The following MYO1D variants were observed in gnomAD, a reference collection of about 807,000 sequenced individuals.
The protein encoded by MYO1D is myosin ID, also known as unconventional myosin-Id.
Under a neutral mutation model 122.0 loss-of-function variants are expected in MYO1D, and 83 were observed. The ratio of observed to expected loss-of-function variants is 0.68; its 90% CI spans 0.57 to 0.82. The LOEUF is 0.82. Ranked by LOEUF, MYO1D falls within the 40% of genes least tolerant of loss-of-function variation. The probability of loss-of-function intolerance (pLI) is 0.00; values close to 1 mark genes in which losing one functional copy is unlikely to be tolerated. For synonymous variants in MYO1D, 464 were observed against 446.9 expected (o/e 1.04, Z -0.48); for missense variants, 1,157 against 1,269.5 (o/e 0.91, Z 1.35).
chr17:32,862,812 A>C (rs2091089089), intron 1 of MYO1D: 1 of 152,244 alleles, frequency 6.6e-6, no homozygotes, highest in African/African-American at 2.4e-5. Context: ...CATTACAGTG[A>C]TAGTCCATTT....
intron 21 of MYO1D, among the ~76,000 whole-genome samples, chr17:32,524,429 G>A (rs530229291): frequency 3.3e-5 from 5 of 152,190 alleles, no homozygotes; most frequent in African/African-American, 1.2e-4. Flanking sequence ...GTCACGCTCT[G>A]TCACCCAGGC....
intron 1 of MYO1D, among the ~76,000 whole-genome samples, chr17:32,808,972 T>C (rs988310530): frequency 2.0e-5 from 3 of 152,236 alleles, no homozygotes; most frequent in Admixed American, 2.0e-4. Flanking sequence ...CATACGTATA[T>C]ATGTAAACAT....
At chr17:32,658,945 G>C in intron 17 of MYO1D, 170 bp downstream of exon 17, 1 of 659,122 alleles carries the variant, frequency 1.5e-6, no homozygotes, top group South Asian at 2.0e-5. Flanking sequence ...ATTTTGAGGG[G>C]TAAGCAGATG....
intron 21 of MYO1D, among the ~76,000 whole-genome samples, chr17:32,511,511 C>T (rs1361136478): frequency 6.6e-6 from 1 of 151,232 alleles, no homozygotes; most frequent in Non-Finnish European, 1.5e-5. Context: ...CCAGCTCCCC[C>T]CGCGAACTTC....
chr17:32,861,903 C>T (rs575584621), intron 1 of MYO1D, among the ~76,000 whole-genome samples: 12 of 152,138 alleles, frequency 7.9e-5, no homozygotes, highest in East Asian at 3.9e-4. Flanking sequence ...CTGTAGTCCC[C>T]GCTACTCGGG....
chr17:32,847,038 G>A (rs2090944287), intron 1 of MYO1D, among the ~76,000 whole-genome samples: 1 of 152,062 alleles, frequency 6.6e-6, no homozygotes, highest in Non-Finnish European at 1.5e-5. Flanking sequence ...TTAGATGATA[G>A]CACAATTCTC....
At chr17:32,694,337 C>G (rs1027948883) in intron 16 of MYO1D, among the ~76,000 whole-genome samples, 1 of 152,148 alleles carries the variant, frequency 6.6e-6, no homozygotes, top group Non-Finnish European at 1.5e-5. Context: ...CAATGACCTA[C>G]TAATTGCCAG....
intron 1 of MYO1D, among the ~76,000 whole-genome samples, chr17:32,787,338 T>C (rs557195263): frequency 3.3e-5 from 5 of 152,246 alleles, no homozygotes; most frequent in African/African-American, 4.8e-5. Flanking sequence ...TTTGTTTACA[T>C]GGGTAAGTTC....
chr17:32,565,353 T>C (rs757502513), intron 21 of MYO1D, among the ~76,000 whole-genome samples: 3 of 152,210 alleles, frequency 2.0e-5, no homozygotes, highest in Admixed American at 6.5e-5. Flanking sequence ...GATAGGGTTC[T>C]TCCTTGTAGC....
At chr17:32,635,738 C>T (rs1355176360) in intron 20 of MYO1D, among the ~76,000 whole-genome samples, 5 of 152,026 alleles carry the variant, frequency 3.3e-5, no homozygotes, top group Non-Finnish European at 7.4e-5. Context: ...ACAGAATGCG[C>T]TTACAGTCTG....
intron 16 of MYO1D, among the ~76,000 whole-genome samples, chr17:32,691,402 TTC>T (rs2089097492): frequency 2.1e-5 from 3 of 142,088 alleles, no homozygotes; most frequent in Non-Finnish European, 4.5e-5. Context: ...GCAAAGAAAA[TTC>T]TTTTTTTTTT....
chr17:32,572,814 T>A (rs1322408872), intron 21 of MYO1D, among the ~76,000 whole-genome samples: 1 of 152,130 alleles, frequency 6.6e-6, no homozygotes, highest in Non-Finnish European at 1.5e-5. Context: ...TCAGATCTTC[T>A]CCTTCTTCTC....
chr17:32,659,419 A>G (rs2088526172), intron 16 of MYO1D, 81 bp from the exon 17 acceptor site: 2 of 1,404,374 alleles, frequency 1.4e-6, no homozygotes, highest in East Asian at 4.6e-5. Flanking sequence ...CAGCTCCTCT[A>G]CTTACAAACT....
At position 32,712,097 on chromosome 17, in the gene MYO1D, T is replaced by C; in HGVS notation, c.2012A>G (p.Asp671Gly). The stretch of plus-strand genomic sequence containing the variant: ...AATTTTGGTCTTCCCATAAGCTACA[T>C]CATCCTGAAAACCACACCGTTCAAT... ...KLIERCGFQD[D>G]VAYGKTKIFI... The change falls in exon 16 of 22, where the codon GAT (aspartate) becomes GGT (glycine). Residue 671 changes from aspartate (D) to glycine (G), a missense_variant. Asp to Gly is a moderately conservative substitution (Grantham distance 94). Coordinates refer to ENST00000318217, the MANE Select transcript of MYO1D (RefSeq NM_015194.3). 6.2e-7 allele frequency: 1 copy of C among 1,614,138 alleles called. No homozygotes were observed.
At chr17:32,587,113 C>T (rs974836036) in intron 21 of MYO1D, among the ~76,000 whole-genome samples, 1 of 152,162 alleles carries the variant, frequency 6.6e-6, no homozygotes, top group Admixed American at 6.5e-5. Flanking sequence ...TTCCAAGACT[C>T]ATTAGGTTAG....
At chr17:32,552,587 T>A (rs1447563168) in intron 21 of MYO1D, among the ~76,000 whole-genome samples, 1 of 152,132 alleles carries the variant, frequency 6.6e-6, no homozygotes, top group African/African-American at 2.4e-5. Context: ...CCTCCTTCTG[T>A]CCTTTGCTTC....
At chr17:32,764,746 C>T in intron 8 of MYO1D, 132 bp downstream of exon 8, 1 of 967,628 alleles carries the variant, frequency 1.0e-6, no homozygotes, top group South Asian at 1.6e-5. Flanking sequence ...GCTTGTATGG[C>T]CAGAAAGTAT....
intron 20 of MYO1D, among the ~76,000 whole-genome samples, chr17:32,606,703 G>C (rs2087631975): frequency 6.6e-6 from 1 of 152,198 alleles, no homozygotes; most frequent in Non-Finnish European, 1.5e-5. Context: ...AACTTAACCT[G>C]ATAAAATGAC....
rs778838788 is a variant in MYO1D at position 32,638,706 on chromosome 17, A to T, written c.2709+16T>A. ...GGTTAAGAATCTTTATCCAGAGAGA[A>T]GCACAGAGGACTTACATTGTATAGA... On this transcript the variant is annotated intron_variant, in intron 20 of 21. Transcript: ENST00000318217. 3 of 1,542,958 alleles carry T rather than the reference A, an allele frequency of 1.9e-6. No individual in the cohort carries two copies. The highest frequency in any genetic ancestry group is 2.7e-6 in the Non-Finnish European group (3 of 1,116,562).
Sources: allele counts gnomAD v4.1 joint callset (sites outside exome capture counted in the v4.1 genomes callset), GRCh38; gene constraint gnomAD v4.1.1; transcripts MANE v1.5; gene names NCBI Gene and HGNC (gene_info 2026-07-23, HGNC 2026-07-21).